Variants in FAM117B observed in about 807,000 individuals in gnomAD.
FAM117B encodes protein FAM117B.
In FAM117B, 22 loss-of-function variants were observed where a neutral mutation model predicts 52.8. The observed-to-expected ratio is 0.42, with a 90% CI of 0.30 to 0.59. The LOEUF (loss-of-function observed/expected upper bound fraction) is 0.59, where lower values mean the gene tolerates loss of function less well. FAM117B is among the 20% of genes least tolerant of loss of function. FAM117B has a pLI of 0.22. For missense variants in FAM117B, 678 were observed against 802.6 expected (o/e 0.84, Z 1.88); for synonymous variants, 309 against 324.1 (o/e 0.95, Z 0.50).
At chr2:202,702,402 G>T (rs1690807759) in intron 2 of FAM117B, among the ~76,000 whole-genome samples, 1 of 151,624 alleles carries the variant, frequency 6.6e-6, no homozygotes, top group Admixed American at 6.6e-5. Context: ...GAAAAATAAA[G>T]AAAGAAAGAA....
In FAM117B at chr2:202,671,982, G is replaced by GA. The variant is rs1690306865; in HGVS notation, c.602-23896dup. On this transcript the variant is annotated intron_variant, in intron 1 of 7. Transcript: ENST00000392238. The stretch of plus-strand genomic sequence containing the variant: ...CCATGTGGATGGGAAAAATCATGGA[G>GA]AAAGTACATCAGCTTTAGGTGTGTT... Among the ~76,000 whole-genome samples the GA allele has an allele frequency of 5.9e-5, 9 of 152,248 alleles. No homozygotes were observed. In the South Asian group the frequency reaches 1.9e-3, roughly 32 times the overall value.
chr2:202,702,661 C>T (rs1690812282), intron 2 of FAM117B, among the ~76,000 whole-genome samples: 1 of 152,036 alleles, frequency 6.6e-6, no homozygotes, highest in African/African-American at 2.4e-5. Flanking sequence ...TCACGCCATT[C>T]TCCTGCCTCA....
chr2:202,705,644 A>G lies in FAM117B; in HGVS notation c.753+9612A>G, dbSNP rs1391615269. On this transcript the variant is annotated intron_variant, in intron 2 of 7. Coordinates refer to ENST00000392238, the MANE Select transcript of FAM117B (RefSeq NM_173511.4). ...TTTGTACAGAGCTACAATGTCACCA[A>G]CCTCTGCCCCCACACTGCCTCCGTG... is the stretch of plus-strand genomic sequence containing the variant. Among the ~76,000 whole-genome samples the G allele has an allele frequency of 8.5e-5, 13 of 152,198 alleles. 1 individual carries two copies. In the East Asian group the frequency reaches 2.1e-3, roughly 25 times the overall value.
chr2:202,724,210 A>G (rs1691200178), intron 2 of FAM117B, among the ~76,000 whole-genome samples: 1 of 151,882 alleles, frequency 6.6e-6, no homozygotes, highest in Admixed American at 6.6e-5. Flanking sequence ...AGCACACGCT[A>G]ATTTTTGTAT....
At chr2:202,760,904 C>T (rs564993594) in intron 7 of FAM117B, among the ~76,000 whole-genome samples, 1 of 152,266 alleles carries the variant, frequency 6.6e-6, no homozygotes, top group East Asian at 1.9e-4. Flanking sequence ...GTGCCTGCCC[C>T]CCTCCACTGC....
rs976455074 is a variant in FAM117B at position 202,768,709 on chromosome 2, A to G, written c.*2945A>G. On this transcript the variant is annotated 3_prime_UTR_variant, in exon 8 of 8. Coordinates refer to ENST00000392238, the MANE Select transcript of FAM117B (RefSeq NM_173511.4). ...TTGGTTTCTAAAGTTACACTCCATA[A>G]TTATTGTTATTCTGTAGAAAACTGT... 2 of 152,570 alleles carry G rather than the reference A, an allele frequency of 1.3e-5. No individual in the cohort carries two copies. The highest frequency in any genetic ancestry group is 4.8e-5 in the African/African-American group (2 of 41,446). 9.5% of individuals were successfully genotyped at this position (152,570 alleles called of 1,614,324 possible). A position where few individuals can be genotyped will look rare whatever the true frequency, so the allele number is the denominator to read the frequency against.
chr2:202,646,036 T>G (rs1041778609), intron 1 of FAM117B, among the ~76,000 whole-genome samples: 5 of 138,740 alleles, frequency 3.6e-5, no homozygotes. Context: ...TTTTTGTTTT[T>G]TTTTTTTTGA....
At chr2:202,689,544 T>G (rs1003782042) in intron 1 of FAM117B, among the ~76,000 whole-genome samples, 2 of 152,214 alleles carry the variant, frequency 1.3e-5, no homozygotes, top group Non-Finnish European at 2.9e-5. Context: ...TTGAAAAAAT[T>G]TCTCTCCTTT....
chr2:202,653,113 G>GA (rs1419630347), intron 1 of FAM117B, among the ~76,000 whole-genome samples: 1 of 151,996 alleles, frequency 6.6e-6, no homozygotes, highest in East Asian at 1.9e-4. Flanking sequence ...CAAAAAAATT[G>GA]AAAAATTAGC....
chr2:202,712,046 T>A (rs1477592412), intron 2 of FAM117B, among the ~76,000 whole-genome samples: 3 of 152,218 alleles, frequency 2.0e-5, no homozygotes, highest in African/African-American at 7.2e-5. Flanking sequence ...TGGATCCTTA[T>A]AAATTTTAGG....
intron 2 of FAM117B, among the ~76,000 whole-genome samples, chr2:202,716,043 C>A (rs1166280459): frequency 6.6e-6 from 1 of 152,198 alleles, no homozygotes; most frequent in Non-Finnish European, 1.5e-5. Flanking sequence ...TACAGTCCAG[C>A]TTTGGCTCGG....
At chr2:202,715,509 A>G (rs1691037275) in intron 2 of FAM117B, among the ~76,000 whole-genome samples, 2 of 148,102 alleles carry the variant, frequency 1.4e-5, no homozygotes, top group South Asian at 4.3e-4. Context: ...GGCGCTCCCC[A>G]CATCTCAGAC....
At position 202,768,798 on chromosome 2, in the gene FAM117B, T is replaced by C. The variant is rs1361869438; in HGVS notation, c.*3034T>C. The stretch of plus-strand genomic sequence containing the variant: ...TTAAATTTTTTTAATTTTATAAAAA[T>C]TTATTTCCATTGCATTAAAAGAAAT... On this transcript the variant is annotated 3_prime_UTR_variant, in exon 8 of 8. Coordinates refer to ENST00000392238, the MANE Select transcript of FAM117B (RefSeq NM_173511.4). The C allele has an allele frequency of 2.0e-5, 3 of 152,202 alleles. No individual in the cohort carries two copies. The highest frequency in any genetic ancestry group is 7.2e-5 in the African/African-American group (3 of 41,464). 9.4% of individuals were successfully genotyped at this position (152,202 alleles called of 1,614,324 possible). A position where few individuals can be genotyped will look rare whatever the true frequency, so the allele number is the denominator to read the frequency against.
chr2:202,638,277 A>G (rs1272737442), intron 1 of FAM117B, among the ~76,000 whole-genome samples: 3 of 152,222 alleles, frequency 2.0e-5, no homozygotes, highest in Non-Finnish European at 4.4e-5. Flanking sequence ...GAGCTGGCTT[A>G]TAAGTGGGCA....
chr2:202,649,586 C>T (rs1689925872), intron 1 of FAM117B, among the ~76,000 whole-genome samples: 1 of 151,816 alleles, frequency 6.6e-6, no homozygotes, highest in Admixed American at 6.6e-5. Context: ...GAGTCTTGTT[C>T]TGTCTCTGAG....
chr2:202,661,329 A>AGT (rs1264076887), intron 1 of FAM117B, among the ~76,000 whole-genome samples: 1 of 152,226 alleles, frequency 6.6e-6, no homozygotes, highest in Non-Finnish European at 1.5e-5. Context: ...TGCGTATTTG[A>AGT]AAGTCTGAGT....
intron 1 of FAM117B, among the ~76,000 whole-genome samples, chr2:202,657,586 T>C (rs1030778764): frequency 2.0e-5 from 3 of 152,182 alleles, no homozygotes; most frequent in Admixed American, 6.5e-5. Flanking sequence ...CTTCCCAGGC[T>C]CAGGTGATCT....
chr2:202,740,642 T>C (rs1181851981), intron 4 of FAM117B, among the ~76,000 whole-genome samples: 1 of 152,140 alleles, frequency 6.6e-6, no homozygotes, highest in Non-Finnish European at 1.5e-5. Flanking sequence ...TTGGTTTTGG[T>C]ACATATTCTC....
In FAM117B at chr2:202,766,097, CACACACACA is replaced by C. The variant is rs1559119022; in HGVS notation, c.*334_*342del. ...ACACACACACACACACACACACACA[CACACACACA>C]CCCCTGATCCTTGCCAACATGATTC... is the stretch of plus-strand genomic sequence containing the variant. On this transcript the variant is annotated 3_prime_UTR_variant, in exon 8 of 8. Transcript: ENST00000392238. 1.7e-5 allele frequency: 4 copies of C among 237,978 alleles called. No homozygotes were observed. Among genetic ancestry groups the C allele is most frequent in the African/African-American group, 9.1e-5 (4 of 43,848 alleles). 14.7% of individuals were successfully genotyped at this position (237,978 alleles called of 1,614,324 possible). A position where few individuals can be genotyped will look rare whatever the true frequency, so the allele number is the denominator to read the frequency against.
Sources: gnomAD v4.1 joint callset for allele counts (sites outside exome capture counted in the v4.1 genomes callset) on GRCh38, gnomAD v4.1.1 for gene constraint, MANE v1.5 for transcripts, NCBI Gene and HGNC (gene_info 2026-07-23, HGNC 2026-07-21) for gene names.